Variants in COL22A1 observed in about 807,000 individuals in gnomAD.
COL22A1 encodes collagen alpha-1(XXII) chain.
Under a neutral mutation model 248.9 loss-of-function variants are expected in COL22A1, and 221 were observed. That is an observed-to-expected ratio of 0.89 (90% CI 0.80 to 0.99). COL22A1 has a LOEUF of 0.99. COL22A1 is among the 50% of genes least tolerant of loss of function. The probability of loss-of-function intolerance (pLI) is 0.00; values close to 1 mark genes in which losing one functional copy is unlikely to be tolerated. For missense variants in COL22A1, 2,240 were observed against 2,179.0 expected, an observed-to-expected ratio of 1.03 and a Z score of -0.56; for synonymous variants, 891 against 793.4, an observed-to-expected ratio of 1.12 and a Z score of -2.07.
chr8:138,838,412 C>T (rs972919913), intron 4 of COL22A1, among the ~76,000 whole-genome samples: 1 of 152,112 alleles, frequency 6.6e-6, no homozygotes, highest in Non-Finnish European at 1.5e-5. Context: ...TGGGAAAAGT[C>T]AGGGCCGGGA....
chr8:138,815,795 T>C (rs1256054741), intron 7 of COL22A1, among the ~76,000 whole-genome samples: 4 of 152,160 alleles, frequency 2.6e-5, no homozygotes, highest in African/African-American at 9.7e-5. Context: ...ATTTATCAAA[T>C]GGAGCTTGAG....
At chr8:138,644,788 C>A (rs1440951277) in intron 47 of COL22A1, among the ~76,000 whole-genome samples, 2 of 152,178 alleles carry the variant, frequency 1.3e-5, no homozygotes, top group Non-Finnish European at 2.9e-5. Context: ...TAAATATATT[C>A]ATTTGGCCAG....
At chr8:138,879,592 T>G (rs932609432) in intron 2 of COL22A1, among the ~76,000 whole-genome samples, 1 of 148,148 alleles carries the variant, frequency 6.8e-6, no homozygotes, top group Non-Finnish European at 1.5e-5. Flanking sequence ...CTCAGGAGGC[T>G]GAGGCACAAG....
chr8:138,826,232 A>G (rs1248380926), intron 6 of COL22A1, among the ~76,000 whole-genome samples: 1 of 152,172 alleles, frequency 6.6e-6, no homozygotes, highest in African/African-American at 2.4e-5. Context: ...AAAGTAACCC[A>G]TCCCAGGACC....
At chr8:138,901,014 A>G (rs73720809) in intron 1 of COL22A1, among the ~76,000 whole-genome samples, 4,653 of 152,252 alleles carry the variant, frequency 0.031, 248 homozygotes, top group African/African-American at 0.11. Flanking sequence ...GTTGTTTTAT[A>G]GTATTCTTTG....
chr8:138,707,019 A>T (rs1295455970), intron 30 of COL22A1, among the ~76,000 whole-genome samples: 1 of 152,232 alleles, frequency 6.6e-6, no homozygotes, highest in Non-Finnish European at 1.5e-5. Context: ...TTCTATGCAG[A>T]TAAACTAGAA....
chr8:138,600,120 G>A (rs531895250), intron 60 of COL22A1, among the ~76,000 whole-genome samples: 13 of 152,298 alleles, frequency 8.5e-5, no homozygotes, highest in African/African-American at 2.9e-4. Flanking sequence ...CTGGAAGTGC[G>A]GGACCAATGA....
intron 31 of COL22A1, among the ~76,000 whole-genome samples, chr8:138,702,374 G>A (rs558083116): frequency 1.6e-4 from 25 of 152,346 alleles, no homozygotes; most frequent in African/African-American, 5.8e-4. Flanking sequence ...AGACAGAGCT[G>A]TGGAATAATG....
chr8:138,757,131 A>C (rs1039742198), intron 18 of COL22A1, among the ~76,000 whole-genome samples: 4 of 152,212 alleles, frequency 2.6e-5, no homozygotes, highest in African/African-American at 7.2e-5. Flanking sequence ...AGGCACTTCC[A>C]GGACATGAGA....
At chr8:138,691,803 T>TGTA (rs1826953953) in intron 35 of COL22A1, among the ~76,000 whole-genome samples, 1 of 136,422 alleles carries the variant, frequency 7.3e-6, no homozygotes, top group African/African-American at 2.8e-5. Context: ...TGTGTGTGTG[T>TGTA]ACGTGTGTGT....
intron 30 of COL22A1, among the ~76,000 whole-genome samples, chr8:138,713,380 T>G (rs1829178091): frequency 6.6e-6 from 1 of 152,122 alleles, no homozygotes. Flanking sequence ...CGAAAATGAC[T>G]TCATAGTTCA....
Position 138,613,683 on chromosome 8 carries a change from A to G in COL22A1, c.3978+184T>C, listed in dbSNP as rs573912391. ...ATTGTTGTGGGGGATGGTCCCAGAA[A>G]AGAATCTGAGTGTTGGGGGAGGTGA... On this transcript the variant is annotated intron_variant, in intron 56 of 64. Transcript: ENST00000303045. 7.3e-5 allele frequency among the ~76,000 whole-genome samples: 11 copies of G among 151,362 alleles called. No individual in the cohort carries two copies. In the South Asian group the frequency reaches 2.1e-3, roughly 29 times the overall value.
chr8:138,781,679 A>G (rs1815020305), intron 12 of COL22A1, among the ~76,000 whole-genome samples: 1 of 152,034 alleles, frequency 6.6e-6, no homozygotes, highest in South Asian at 2.1e-4. Context: ...CATCCTGGAG[A>G]AGGCTGGGGC....
At chr8:138,698,296 C>T (rs1827675162) in intron 32 of COL22A1, among the ~76,000 whole-genome samples, 1 of 152,210 alleles carries the variant, frequency 6.6e-6, no homozygotes, top group Non-Finnish European at 1.5e-5. Context: ...GGTACAGACG[C>T]TCCATCCAGT....
chr8:138,762,618 T>A, intron 16 of COL22A1, 152 bp from the exon 17 acceptor site: 1 of 458,586 alleles, frequency 2.2e-6, no homozygotes, highest in Non-Finnish European at 3.9e-6. Flanking sequence ...ACAACAGCCC[T>A]AGACGGGATG....
intron 11 of COL22A1, among the ~76,000 whole-genome samples, chr8:138,801,680 A>G (rs891050389): frequency 6.6e-6 from 1 of 152,150 alleles, no homozygotes; most frequent in Non-Finnish European, 1.5e-5. Context: ...GGAGTTTGAG[A>G]CCAGCCTGGC....
At chr8:138,840,241 C>T (rs1446101560) in intron 4 of COL22A1, among the ~76,000 whole-genome samples, 4 of 152,076 alleles carry the variant, frequency 2.6e-5, no homozygotes, top group Middle Eastern at 3.2e-3. Context: ...AGCGGTTTTT[C>T]GGGGCTGGTT....
chr8:138,839,488 G>A (rs1180576978), intron 4 of COL22A1, among the ~76,000 whole-genome samples: 1 of 152,152 alleles, frequency 6.6e-6, no homozygotes, highest in African/African-American at 2.4e-5. Context: ...GGCATGGAGG[G>A]GCAAGACCAG....
Position 138,878,177 on chromosome 8 carries a change from C to T in COL22A1, c.231G>A (p.Val77=), listed in dbSNP as rs141897100. The T allele has an allele frequency of 1.9e-6, 3 of 1,603,534 alleles. No homozygotes were observed. In the African/African-American group the frequency reaches 4.0e-5, roughly 21 times the overall value. Residue 77 remains valine (V), a synonymous_variant, in exon 3 of 65, where the codon GTG becomes GTA. Coordinates refer to ENST00000303045, the MANE Select transcript of COL22A1 (RefSeq NM_152888.3). ...TFEVGPDRTR[V]GVVRYSDRPT... ...GCCGGTCGCTGTAGCGCACGACCCCCACACGGGTGCGGTCGGGGCCCACCT... is the reference window on the plus strand; with the variant it reads ...GCCGGTCGCTGTAGCGCACGACCCCTACACGGGTGCGGTCGGGGCCCACCT...
Sources: allele counts gnomAD v4.1 joint callset (sites outside exome capture counted in the v4.1 genomes callset), GRCh38; gene constraint gnomAD v4.1.1; transcripts MANE v1.5; gene names NCBI Gene and HGNC (gene_info 2026-07-23, HGNC 2026-07-21).